Variants in GPR39 observed in about 807,000 individuals in gnomAD.
GPR39 encodes the protein G protein-coupled receptor 39.
In GPR39, 23 loss-of-function variants were observed where a neutral mutation model predicts 18.4. The ratio of observed to expected loss-of-function variants is 1.25; its 90% CI spans 0.90 to 1.77. The LOEUF (loss-of-function observed/expected upper bound fraction) is 1.77. GPR39 is among the 40% of genes most tolerant of loss of function. GPR39 has a pLI of 0.00. For synonymous variants in GPR39, 280 were observed against 257.9 expected (o/e 1.09, Z -0.82); for missense variants, 647 against 602.4 (o/e 1.07, Z -0.78).
At chr2:132,458,840 A>G (rs4508654) in intron 1 of GPR39, among the ~76,000 whole-genome samples, 76,166 of 151,886 alleles carry the variant, frequency 0.5, 20,872 homozygotes, top group Non-Finnish European at 0.62. Context: ...AAGATGAGCA[A>G]TTATAGAGCT....
At chr2:132,569,464 C>T (rs544058900) in intron 1 of GPR39, among the ~76,000 whole-genome samples, 5 of 152,162 alleles carry the variant, frequency 3.3e-5, no homozygotes, top group Admixed American at 1.3e-4. Flanking sequence ...GTCTGAGCAG[C>T]GGGACCACAC....
chr2:132,550,754 A>G (rs912858704), intron 1 of GPR39, among the ~76,000 whole-genome samples: 3 of 152,256 alleles, frequency 2.0e-5, no homozygotes, highest in Non-Finnish European at 4.4e-5. Flanking sequence ...ACTCATAGCG[A>G]GAGTTTGAAT....
chr2:132,645,749 T>C lies in GPR39; in HGVS notation c.*143T>C. Reference sequence around the variant, plus strand: ...TACAAAAGGCAGATGCCCACCTCAGTGACTTCTAAGGACTGACTCTGCCAG... The same window carrying C: ...TACAAAAGGCAGATGCCCACCTCAGCGACTTCTAAGGACTGACTCTGCCAG... On this transcript the variant is annotated 3_prime_UTR_variant, in exon 2 of 2. Transcript: ENST00000329321. The C allele has an allele frequency of 8.4e-7, 1 of 1,194,788 alleles. No homozygotes were observed. The highest frequency in any genetic ancestry group is 1.1e-6 in the Non-Finnish European group (1 of 871,050). 74.0% of individuals were successfully genotyped at this position (1,194,788 alleles called of 1,614,324 possible).
At chr2:132,583,979 AG>A (rs1387376948) in intron 1 of GPR39, among the ~76,000 whole-genome samples, 1 of 152,014 alleles carries the variant, frequency 6.6e-6, no homozygotes, top group African/African-American at 2.4e-5. Context: ...ACGACTTCAG[AG>A]GAGCCCTTGA....
intron 1 of GPR39, among the ~76,000 whole-genome samples, chr2:132,513,076 A>G (rs537249130): frequency 6.6e-6 from 1 of 152,292 alleles, no homozygotes; most frequent in South Asian, 2.1e-4. Context: ...GGTTCTGTTC[A>G]AGATGGCTCA....
At chr2:132,526,522 T>C (rs1192002508) in intron 1 of GPR39, among the ~76,000 whole-genome samples, 1 of 152,212 alleles carries the variant, frequency 6.6e-6, no homozygotes, top group Admixed American at 6.5e-5. Flanking sequence ...ATGTTTTTCT[T>C]AATGTGAGAA....
At chr2:132,588,768 T>C (rs1680776696) in intron 1 of GPR39, among the ~76,000 whole-genome samples, 1 of 152,170 alleles carries the variant, frequency 6.6e-6, no homozygotes, top group South Asian at 2.1e-4. Context: ...TATCACATGC[T>C]ATTCATAGAA....
At chr2:132,470,708 A>G (rs1681014212) in intron 1 of GPR39, among the ~76,000 whole-genome samples, 2 of 137,918 alleles carry the variant, frequency 1.5e-5, no homozygotes, top group African/African-American at 2.8e-5. Context: ...GGGGGCAGGG[A>G]GAGGGGCTGT....
intron 1 of GPR39, among the ~76,000 whole-genome samples, chr2:132,425,568 T>C (rs1680104785): frequency 6.6e-6 from 1 of 152,214 alleles, no homozygotes; most frequent in Non-Finnish European, 1.5e-5. Flanking sequence ...TATACGTATC[T>C]TCTCCCAGTT....
rs948881403 is a variant in GPR39 at position 132,564,810 on chromosome 2, C to CTTTTTTTTTTTTTTTTTTTTTTTTTTTTT, written c.857-80270_857-80269insTTTTTTTTTTTTTTTTTTTTTTTTTTTTT. Among the ~76,000 whole-genome samples the CTTTTTTTTTTTTTTTTTTTTTTTTTTTTT allele has an allele frequency of 8.8e-4, 84 of 95,454 alleles. 9 individuals carry two copies. The highest frequency in any genetic ancestry group is 1.3e-3 in the African/African-American group (33 of 25,608). 62.6% of individuals were successfully genotyped at this position (95,454 alleles called of 152,430 possible). ...TTTAATAACTATTTTTTTCTTTTTT[C>CTTTTTTTTTTTTTTTTTTTTTTTTTTTTT]TTTTTTTTTTTTTTTTTTTTTGTTG... On this transcript the variant is annotated intron_variant, in intron 1 of 1. Coordinates refer to ENST00000329321, the MANE Select transcript of GPR39 (RefSeq NM_001508.3).
At chr2:132,439,895 G>T (rs544956815) in intron 1 of GPR39, among the ~76,000 whole-genome samples, 27 of 152,298 alleles carry the variant, frequency 1.8e-4, no homozygotes, top group African/African-American at 6.3e-4. Flanking sequence ...GCTGTCTCCA[G>T]TTTCTCACAG....
At chr2:132,616,016 A>G (rs1558859901) in intron 1 of GPR39, among the ~76,000 whole-genome samples, 1 of 151,190 alleles carries the variant, frequency 6.6e-6, no homozygotes, top group Admixed American at 6.6e-5. Flanking sequence ...GGTGAGAGTC[A>G]CAGGAATGCA....
intron 1 of GPR39, among the ~76,000 whole-genome samples, chr2:132,608,487 G>T (rs572299123): frequency 6.6e-6 from 1 of 152,076 alleles, no homozygotes; most frequent in Non-Finnish European, 1.5e-5. Flanking sequence ...TTTTTGACTC[G>T]GCTCTAGAAA....
At chr2:132,529,686 G>A (rs1361361488) in intron 1 of GPR39, among the ~76,000 whole-genome samples, 3 of 152,194 alleles carry the variant, frequency 2.0e-5, no homozygotes, top group Non-Finnish European at 4.4e-5. Context: ...AGCAGCATTT[G>A]CGGTTCACCA....
intron 1 of GPR39, among the ~76,000 whole-genome samples, chr2:132,619,506 G>A (rs538245027): frequency 2.6e-5 from 4 of 152,310 alleles, no homozygotes; most frequent in Admixed American, 6.5e-5. Flanking sequence ...AAACCAAGTA[G>A]AGGGAGCTCA....
chr2:132,559,356 G>A (rs1056534685), intron 1 of GPR39, among the ~76,000 whole-genome samples: 2 of 152,058 alleles, frequency 1.3e-5, no homozygotes, highest in Non-Finnish European at 2.9e-5. Context: ...AGGTGTTTGG[G>A]GCTTGAATTA....
chr2:132,613,081 A>T (rs1340937105), intron 1 of GPR39, among the ~76,000 whole-genome samples: 1 of 152,214 alleles, frequency 6.6e-6, no homozygotes, highest in Non-Finnish European at 1.5e-5. Flanking sequence ...CCATTTTAAA[A>T]TTGGCTTTGT....
At chr2:132,574,421 G>A (rs17396006) in intron 1 of GPR39, among the ~76,000 whole-genome samples, 16,080 of 152,060 alleles carry the variant, frequency 0.11, 967 homozygotes, top group South Asian at 0.17. Flanking sequence ...TAGTTCACAG[G>A]AACTCTTTAT....
intron 1 of GPR39, among the ~76,000 whole-genome samples, chr2:132,544,369 G>T (rs1313868107): frequency 6.6e-6 from 1 of 152,204 alleles, no homozygotes; most frequent in Non-Finnish European, 1.5e-5. Flanking sequence ...TACTTCAAAT[G>T]TGGTGTGGTC....
Sources: gnomAD v4.1 joint callset for allele counts (sites outside exome capture counted in the v4.1 genomes callset) on GRCh38, gnomAD v4.1.1 for gene constraint, MANE v1.5 for transcripts, NCBI Gene and HGNC (gene_info 2026-07-23, HGNC 2026-07-21) for gene names.